The following CYREN variants were observed in gnomAD, a reference collection of about 807,000 sequenced individuals.
CYREN encodes the protein cell cycle regulator of non-homologous end joining.
CYREN carries 7 observed loss-of-function variants against 9.7 expected under a neutral mutation model. The ratio of observed to expected loss-of-function variants is 0.72; its 90% CI spans 0.41 to 1.36. CYREN has a LOEUF of 1.36. Ranked by LOEUF, CYREN falls within the 40% of genes most tolerant of loss-of-function variation. The pLI, the probability that CYREN is intolerant of heterozygous loss-of-function variation, is 0.01. For missense variants in CYREN, 215 were observed against 198.1 expected, an observed-to-expected ratio of 1.09 and a Z score of -0.51; for synonymous variants, 76 against 77.9, an observed-to-expected ratio of 0.98 and a Z score of 0.13.
downstream of CYREN, among the ~76,000 whole-genome samples, chr7:135,163,631 T>G (rs1830005575): frequency 2.0e-5 from 3 of 152,098 alleles, no homozygotes. Context: ...GGTGACAGAG[T>G]GAGGCTCCAT....
intron 2 of CYREN, among the ~76,000 whole-genome samples, chr7:135,097,936 T>C (rs374803324): frequency 6.6e-6 from 1 of 152,168 alleles, no homozygotes; most frequent in East Asian, 1.9e-4. Flanking sequence ...TAAGTTCAGA[T>C]TACCTCAGTG....
At chr7:135,099,363 A>G (rs1245933439) in intron 2 of CYREN, among the ~76,000 whole-genome samples, 1 of 152,172 alleles carries the variant, frequency 6.6e-6, no homozygotes, top group African/African-American at 2.4e-5. Context: ...ATGTATGCAT[A>G]TATTTTGTGT....
At chr7:135,093,080 T>C (rs143079155) in exon 3 of CYREN, 1 of 151,562 alleles carries the variant, frequency 6.6e-6, no homozygotes, top group Non-Finnish European at 1.5e-5. Context: ...GCTAATGTCA[T>C]AGTTGGTAGT....
chr7:135,129,483 T>A, intron 2 of CYREN: 1 of 773,544 alleles, frequency 1.3e-6, no homozygotes, highest in Non-Finnish European at 2.4e-6. Context: ...GAACTGACCA[T>A]GTTGTGGAAC....
intron 2 of CYREN, chr7:135,168,026 C>A: frequency 1.5e-6 from 1 of 668,686 alleles, no homozygotes; most frequent in Non-Finnish European, 2.5e-6. Flanking sequence ...GGGGTGCCTC[C>A]CACCCTCCAC....
intron 1 of CYREN, among the ~76,000 whole-genome samples, chr7:135,169,844 G>T (rs1293203328): frequency 6.6e-6 from 1 of 152,214 alleles, no homozygotes; most frequent in East Asian, 1.9e-4. Context: ...AGTCCTCTCT[G>T]AATCATAATT....
At chr7:135,115,671 G>T in intron 2 of CYREN, 3 of 1,325,478 alleles carry the variant, frequency 2.3e-6, no homozygotes, top group South Asian at 1.5e-5. Flanking sequence ...AAAAAAGCAG[G>T]GCTTATTAAT....
chr7:135,117,481 A>C (rs1826487691), intron 2 of CYREN, among the ~76,000 whole-genome samples: 1 of 152,246 alleles, frequency 6.6e-6, no homozygotes. Flanking sequence ...ACCAATGTCT[A>C]AAATGGTTTA....
intron 2 of CYREN, among the ~76,000 whole-genome samples, chr7:135,101,966 C>T (rs754067122): frequency 2.0e-5 from 3 of 152,154 alleles, no homozygotes; most frequent in South Asian, 4.1e-4. Flanking sequence ...TTTCCGCTTT[C>T]GCTTTGCTCT....
At chr7:135,097,150 T>C (rs1307697896) in intron 2 of CYREN, among the ~76,000 whole-genome samples, 2 of 152,168 alleles carry the variant, frequency 1.3e-5, no homozygotes, top group Non-Finnish European at 2.9e-5. Context: ...GATTGCTTGA[T>C]GAAACAAAGT....
At chr7:135,106,814 T>C (rs1824796533) in intron 2 of CYREN, among the ~76,000 whole-genome samples, 2 of 152,236 alleles carry the variant, frequency 1.3e-5, no homozygotes, top group Non-Finnish European at 2.9e-5. Flanking sequence ...GTACATCTGA[T>C]TGAATTCAGC....
At chr7:135,147,091 G>A (rs10238516) in intron 2 of CYREN, among the ~76,000 whole-genome samples, 2 of 151,868 alleles carry the variant, frequency 1.3e-5, no homozygotes, top group African/African-American at 4.8e-5. Context: ...CATTACTATG[G>A]TCCCAGTATT....
intron 2 of CYREN, among the ~76,000 whole-genome samples, chr7:135,104,376 G>A (rs1042796279): frequency 1.1e-4 from 17 of 152,200 alleles, no homozygotes; most frequent in African/African-American, 2.2e-4. Context: ...AATGAATAGC[G>A]TTGCAGTGAA....
At chr7:135,159,275 G>GCT (rs1829870000) in intron 2 of CYREN, among the ~76,000 whole-genome samples, 1 of 152,184 alleles carries the variant, frequency 6.6e-6, no homozygotes, top group Non-Finnish European at 1.5e-5. Context: ...CCTGTGTTTA[G>GCT]ATAGCCATCT....
At chr7:135,108,943 C>T (rs1025001598) in intron 2 of CYREN, among the ~76,000 whole-genome samples, 4 of 152,190 alleles carry the variant, frequency 2.6e-5, no homozygotes, top group African/African-American at 4.8e-5. Context: ...AGTCTTCAAG[C>T]TCCAAGATTC....
At chr7:135,134,892 A>G (rs1204270127) in intron 2 of CYREN, 1 of 1,551,180 alleles carries the variant, frequency 6.4e-7, no homozygotes, top group Admixed American at 2.0e-5. Context: ...CATCTTGGAC[A>G]GCACCCAGAA....
In CYREN at chr7:135,151,546, C is replaced by G. The variant is rs150585307; in HGVS notation, n.356+17203G>C. On this transcript the variant is annotated intron_variant and non_coding_transcript_variant, in intron 2 of 2. Transcript: ENST00000459937. This position sits in a 1 kb window ranked among gnomAD's most constrained non-coding sequence, Gnocchi z 4.3. ...CCCAGTTCTCCTCTCTCCATTCAGG[C>G]GACACACCCAACCATGTCTACCTGA... 6.6e-6 allele frequency among the ~76,000 whole-genome samples: 1 copy of G among 152,172 alleles called. No individual in the cohort carries two copies. Among genetic ancestry groups the G allele is most frequent in the African/African-American group, 2.4e-5 (1 of 41,424 alleles).
In CYREN at chr7:135,151,411, A is replaced by G. The variant is rs777129857; in HGVS notation, n.356+17338T>C. Among the ~76,000 whole-genome samples, 1 of 152,206 alleles carries G rather than the reference A, an allele frequency of 6.6e-6. No individual in the cohort carries two copies. Among genetic ancestry groups the G allele is most frequent in the African/African-American group, 2.4e-5 (1 of 41,446 alleles). ...AGCACACTGATCTTCAATGTGTTCC[A>G]CCAGAAATATTTTAGCCAGGACTGG... On this transcript the variant is annotated intron_variant and non_coding_transcript_variant, in intron 2 of 2. Transcript: ENST00000459937. This position sits in a 1 kb window ranked among gnomAD's most constrained non-coding sequence, Gnocchi z 4.3.
intron 2 of CYREN, among the ~76,000 whole-genome samples, chr7:135,146,234 G>A (rs1055665883): frequency 1.3e-5 from 2 of 152,098 alleles, no homozygotes; most frequent in Non-Finnish European, 2.9e-5. Flanking sequence ...CAGAACACAC[G>A]GTCAGAACAC....
Sources: gnomAD v4.1 joint callset for allele counts (sites outside exome capture counted in the v4.1 genomes callset) on GRCh38, gnomAD v4.1.1 for gene constraint, Gnocchi (gnomAD v3.1) non-coding constraint, MANE v1.5 for transcripts, NCBI Gene and HGNC (gene_info 2026-07-23, HGNC 2026-07-21) for gene names.